LRBA: variants seen among roughly 807,000 people sequenced by gnomAD.
The protein encoded by LRBA is LPS responsive beige-like anchor protein.
A neutral mutation model predicts 330.0 loss-of-function variants in LRBA; 176 were observed. The ratio of observed to expected loss-of-function variants is 0.53; its 90% CI spans 0.47 to 0.60. LRBA has a LOEUF of 0.60. Among genes scored for constraint, LRBA ranks in the 20% least tolerant of loss-of-function variants. The pLI is 0.00. For missense variants in LRBA, 3,259 were observed against 3,444.8 expected (o/e 0.95, Z 1.35); for synonymous variants, 1,230 against 1,193.0 (o/e 1.03, Z -0.64).
chr4:150,325,743 C>T (rs1250034558), intron 49 of LRBA, 66 bp downstream of exon 49: 1 of 1,085,072 alleles, frequency 9.2e-7, no homozygotes, highest in East Asian at 2.4e-5. Context: ...CAATGAAAGA[C>T]TGTTATGAAT....
intron 33 of LRBA, 101 bp downstream of exon 33, chr4:150,806,167 TGAC>T (rs1742764224): frequency 2.4e-6 from 2 of 835,420 alleles, no homozygotes; most frequent in South Asian, 5.1e-5. Flanking sequence ...TGTCAAAGGC[TGAC>T]AACACTTAAA....
At chr4:150,318,602 C>G (rs1396336192) in intron 50 of LRBA, among the ~76,000 whole-genome samples, 2 of 152,118 alleles carry the variant, frequency 1.3e-5, no homozygotes, top group East Asian at 3.9e-4. Context: ...TAAAATGAAG[C>G]ATAGACTTAA....
intron 53 of LRBA, among the ~76,000 whole-genome samples, chr4:150,299,398 A>C (rs989995081): frequency 6.6e-6 from 1 of 152,100 alleles, no homozygotes; most frequent in Admixed American, 6.5e-5. Context: ...CAGGAAAATA[A>C]GCCTTTTGCT....
intron 51 of LRBA, among the ~76,000 whole-genome samples, chr4:150,312,332 T>C (rs1415542362): frequency 6.6e-6 from 1 of 152,100 alleles, no homozygotes; most frequent in Non-Finnish European, 1.5e-5. Flanking sequence ...TCCTAAGAGA[T>C]ACACAGGTTC....
intron 12 of LRBA, 51 bp from the exon 13 acceptor site, chr4:150,906,041 G>GA: frequency 1.3e-6 from 2 of 1,523,046 alleles, no homozygotes; most frequent in Non-Finnish European, 1.8e-6. Context: ...CAAAGTAAGT[G>GA]AATTACAGGC....
intron 4 of LRBA, among the ~76,000 whole-genome samples, chr4:150,924,092 A>C (rs1380411037): frequency 6.7e-6 from 1 of 148,408 alleles, no homozygotes; most frequent in African/African-American, 2.4e-5. Context: ...ATGTCCATCT[A>C]GAAACATCAT....
At chr4:151,008,054 T>C (rs1454605154) in intron 2 of LRBA, among the ~76,000 whole-genome samples, 1 of 151,996 alleles carries the variant, frequency 6.6e-6, no homozygotes, top group Non-Finnish European at 1.5e-5. Context: ...CATTGACTTG[T>C]ATACTTAAAA....
At chr4:150,569,195 G>C (rs975000184) in intron 40 of LRBA, among the ~76,000 whole-genome samples, 3 of 152,024 alleles carry the variant, frequency 2.0e-5, no homozygotes, top group Non-Finnish European at 2.9e-5. Flanking sequence ...CGTGACAAAA[G>C]AAAATGGCTC....
At chr4:150,738,556 G>C (rs992670099) in intron 35 of LRBA, among the ~76,000 whole-genome samples, 2 of 152,086 alleles carry the variant, frequency 1.3e-5, no homozygotes, top group African/African-American at 4.8e-5. Context: ...AATGACAAAC[G>C]TGGGTAAATC....
chr4:150,315,724 C>CT, intron 50 of LRBA, 101 bp from the exon 51 acceptor site: 4 of 722,754 alleles, frequency 5.5e-6, no homozygotes, highest in Non-Finnish European at 6.6e-6. Context: ...TTTCCAATCT[C>CT]TAAATCTTTC....
intron 37 of LRBA, among the ~76,000 whole-genome samples, chr4:150,662,483 TGCAATCCAGGCAACGGAAATTTTTTAA>T (rs1347878946): frequency 6.6e-6 from 1 of 152,060 alleles, no homozygotes; most frequent in Non-Finnish European, 1.5e-5. Flanking sequence ...TCCCTGGGGG[TGCAATCCAGGCAACGGAAATTTTTTAA>T]AAGCTTCCTA....
intron 40 of LRBA, among the ~76,000 whole-genome samples, chr4:150,549,233 T>G (rs1244590819): frequency 6.6e-6 from 1 of 152,024 alleles, no homozygotes; most frequent in African/African-American, 2.4e-5. Flanking sequence ...TCATATGACA[T>G]TTTTTAGTTC....
chr4:150,504,247 C>A (rs1262755547), intron 40 of LRBA, among the ~76,000 whole-genome samples: 3 of 152,088 alleles, frequency 2.0e-5, no homozygotes, highest in Admixed American at 6.6e-5. Context: ...GAGAACGCCA[C>A]AAAGATACTC....
intron 40 of LRBA, among the ~76,000 whole-genome samples, chr4:150,555,883 G>A (rs1253093787): frequency 6.6e-6 from 1 of 151,934 alleles, no homozygotes; most frequent in South Asian, 2.1e-4. Context: ...GCTCACTGCA[G>A]CCTTAATCTC....
At chr4:150,814,803 T>C (rs567935040) in intron 31 of LRBA, among the ~76,000 whole-genome samples, 4 of 152,122 alleles carry the variant, frequency 2.6e-5, no homozygotes, top group Admixed American at 1.3e-4. Context: ...GTTTTGTAGA[T>C]TTTGCCAATA....
At chr4:150,723,035 C>A (rs1478310359) in intron 36 of LRBA, among the ~76,000 whole-genome samples, 1 of 152,124 alleles carries the variant, frequency 6.6e-6, no homozygotes, top group Non-Finnish European at 1.5e-5. Flanking sequence ...AATGACATAT[C>A]CCAGGGGACA....
At chr4:150,801,288 G>A (rs1186853767) in intron 33 of LRBA, among the ~76,000 whole-genome samples, 1 of 152,090 alleles carries the variant, frequency 6.6e-6, no homozygotes, top group Non-Finnish European at 1.5e-5. Flanking sequence ...TGATGAATCT[G>A]AAACACAACC....
intron 22 of LRBA, among the ~76,000 whole-genome samples, chr4:150,855,585 C>T (rs1291260171): frequency 6.6e-6 from 1 of 151,970 alleles, no homozygotes; most frequent in Non-Finnish European, 1.5e-5. Flanking sequence ...GCCTACCACC[C>T]ATGTCAAGAA....
chr4:150,471,723 T>C lies in LRBA; in HGVS notation c.6568A>G (p.Ser2190Gly). The C allele has an allele frequency of 1.3e-6, 2 of 1,564,782 alleles. No individual in the cohort carries two copies. Among genetic ancestry groups the C allele is most frequent in the East Asian group, 4.5e-5 (2 of 44,410 alleles). Residue 2190 changes from serine to glycine, a missense_variant, in exon 43 of 57, where the codon AGT becomes GGT. Ser to Gly is a moderately conservative substitution (Grantham distance 56). Coordinates refer to ENST00000651943, the MANE Select transcript of LRBA (RefSeq NM_001364905.1). Reference sequence around the variant, plus strand: ...GAAGCCTTAAAAAGCTGACGTGGACTAGCTAATGAAATACGTCTGCAAGAA... The same window carrying C: ...GAAGCCTTAAAAAGCTGACGTGGACCAGCTAATGAAATACGTCTGCAAGAA... The part of the protein sequence containing the change: ...LPQTRRISLA[S>G]PRQLFKASNM...
Sources: allele counts gnomAD v4.1 joint callset (sites outside exome capture counted in the v4.1 genomes callset), GRCh38; gene constraint gnomAD v4.1.1; transcripts MANE v1.5; gene names NCBI Gene and HGNC (gene_info 2026-07-23, HGNC 2026-07-21).